Variants in DEUP1 observed in about 807,000 individuals in gnomAD.
DEUP1 encodes coiled-coil domain containing 67.
DEUP1 carries 82 observed loss-of-function variants against 87.4 expected under a neutral mutation model. That is an observed-to-expected ratio of 0.94 (90% CI 0.78 to 1.13). The LOEUF (loss-of-function observed/expected upper bound fraction) is 1.13. Ranked by LOEUF, DEUP1 falls within the 50% of genes most tolerant of loss-of-function variation. The pLI is 0.00. For synonymous variants in DEUP1, 214 were observed against 222.7 expected, an observed-to-expected ratio of 0.96 and a Z score of 0.35; for missense variants, 663 against 681.5, an observed-to-expected ratio of 0.97 and a Z score of 0.30.
rs532968361 is a variant in DEUP1 at position 93,384,307 on chromosome 11, G to C, written c.790-1091G>C. On this transcript the variant is annotated intron_variant, in intron 7 of 13. Coordinates refer to ENST00000298050, the MANE Select transcript of DEUP1 (RefSeq NM_181645.4). ...ACATGATGTTACTTTTTACTTCACA[G>C]AGAAAATAGAAGCCAAGAGATAGCC... 1.3e-3 allele frequency among the ~76,000 whole-genome samples: 198 copies of C among 152,270 alleles called. 1 individual carries two copies. Among genetic ancestry groups the C allele is most frequent in the African/African-American group, 4.6e-3 (190 of 41,538 alleles).
At chr11:93,351,392 A>G (rs892416483) in intron 2 of DEUP1, among the ~76,000 whole-genome samples, 102 of 152,218 alleles carry the variant, frequency 6.7e-4, no homozygotes, top group African/African-American at 2.3e-3. Flanking sequence ...TTGAGCGTCT[A>G]CTATGTGCTG....
intron 4 of DEUP1, among the ~76,000 whole-genome samples, chr11:93,363,196 G>T (rs1945257843): frequency 6.6e-6 from 1 of 151,820 alleles, no homozygotes; most frequent in African/African-American, 2.4e-5. Context: ...ACAAATTAGT[G>T]GTTTTCAGGG....
chr11:93,417,929 GA>G (rs1275135702), intron 13 of DEUP1, among the ~76,000 whole-genome samples: 2 of 151,312 alleles, frequency 1.3e-5, no homozygotes, highest in Non-Finnish European at 3.0e-5. Context: ...AAGCAATGGG[GA>G]AAGGATTCCC....
intron 7 of DEUP1, among the ~76,000 whole-genome samples, chr11:93,377,953 G>T (rs1269156220): frequency 6.6e-6 from 1 of 151,992 alleles, no homozygotes; most frequent in Non-Finnish European, 1.5e-5. Context: ...CAGCTTGTAG[G>T]ATTTCTGCTG....
At chr11:93,434,344 C>T (rs894333247) in intron 13 of DEUP1, among the ~76,000 whole-genome samples, 2 of 152,168 alleles carry the variant, frequency 1.3e-5, no homozygotes, top group African/African-American at 4.8e-5. Flanking sequence ...GGTGGCTTTT[C>T]TTTTGGGGTG....
chr11:93,369,470 T>C (rs1945595630), intron 5 of DEUP1, among the ~76,000 whole-genome samples: 1 of 151,980 alleles, frequency 6.6e-6, no homozygotes, highest in Admixed American at 6.6e-5. Context: ...AAAAAAGTTG[T>C]TTGAAATTCC....
At chr11:93,414,707 A>G (rs901380680) in intron 12 of DEUP1, among the ~76,000 whole-genome samples, 17 of 152,180 alleles carry the variant, frequency 1.1e-4, no homozygotes, top group East Asian at 1.9e-4. Context: ...AATAAATGAC[A>G]AAGACATAGA....
chr11:93,348,315 T>C (rs1944460476), intron 2 of DEUP1, among the ~76,000 whole-genome samples: 1 of 152,186 alleles, frequency 6.6e-6, no homozygotes, highest in Non-Finnish European at 1.5e-5. Flanking sequence ...TTTTGAATTG[T>C]TTTTTATGTC....
chr11:93,385,806 C>T lies in DEUP1; in HGVS notation c.935+263C>T, dbSNP rs1042804678. Among the ~76,000 whole-genome samples, 11 of 152,108 alleles carry T rather than the reference C, an allele frequency of 7.2e-5. No individual in the cohort carries two copies. In the East Asian group the frequency reaches 7.7e-4, roughly 11 times the overall value. ...GAGTCAGACCTGGTGGCTCCTAGCACTTTGGAAGGCCGAGGTGGGAGGACA... is the reference window on the plus strand; with the variant it reads ...GAGTCAGACCTGGTGGCTCCTAGCATTTTGGAAGGCCGAGGTGGGAGGACA... On this transcript the variant is annotated intron_variant, in intron 8 of 13. Coordinates refer to ENST00000298050, the MANE Select transcript of DEUP1 (RefSeq NM_181645.4).
At chr11:93,433,434 A>G (rs1183186503) in intron 13 of DEUP1, among the ~76,000 whole-genome samples, 1 of 152,192 alleles carries the variant, frequency 6.6e-6, no homozygotes, top group Non-Finnish European at 1.5e-5. Context: ...TGGGAGGATC[A>G]CTTGAGCCCA....
At chr11:93,353,772 G>A (rs1048346419) in intron 2 of DEUP1, among the ~76,000 whole-genome samples, 1 of 152,184 alleles carries the variant, frequency 6.6e-6, no homozygotes, top group African/African-American at 2.4e-5. Context: ...TTTAGCCATG[G>A]CTGGAGCAGT....
At chr11:93,430,478 C>T (rs1304652598) in intron 13 of DEUP1, among the ~76,000 whole-genome samples, 1 of 151,972 alleles carries the variant, frequency 6.6e-6, no homozygotes, top group African/African-American at 2.4e-5. Flanking sequence ...GTGAAAGAAG[C>T]CAAACACAAA....
At chr11:93,383,536 A>G in intron 7 of DEUP1, 1 of 631,790 alleles carries the variant, frequency 1.6e-6, no homozygotes, top group East Asian at 2.8e-5. Flanking sequence ...CTCTGGAATA[A>G]AGTAGTGGTG....
intron 2 of DEUP1, among the ~76,000 whole-genome samples, chr11:93,350,133 C>T (rs184972648): frequency 1.3e-4 from 20 of 152,262 alleles, no homozygotes; most frequent in African/African-American, 4.8e-4. Flanking sequence ...ACAATTGCTG[C>T]AGATTTTGTG....
At chr11:93,434,922 G>A (rs1406059620) in intron 13 of DEUP1, among the ~76,000 whole-genome samples, 1 of 152,126 alleles carries the variant, frequency 6.6e-6, no homozygotes, top group Non-Finnish European at 1.5e-5. Context: ...CCTCAGCTTT[G>A]CCCTCAAGAG....
chr11:93,390,775 T>C (rs1946741155), intron 9 of DEUP1, among the ~76,000 whole-genome samples: 1 of 152,100 alleles, frequency 6.6e-6, no homozygotes, highest in Non-Finnish European at 1.5e-5. Context: ...AGGTAACAAA[T>C]GAATTTTATA....
At chr11:93,345,375 GC>G (rs1171774330) in intron 2 of DEUP1, among the ~76,000 whole-genome samples, 1 of 152,198 alleles carries the variant, frequency 6.6e-6, no homozygotes. Context: ...TATATACCCA[GC>G]AATGGGATTG....
At chr11:93,427,012 G>GAAAAAAAAAAAAAAAAAAAAAAAAAAAA (rs1215051153) in intron 13 of DEUP1, among the ~76,000 whole-genome samples, 1 of 11,844 alleles carries the variant, frequency 8.4e-5, no homozygotes, top group African/African-American at 4.1e-4. Context: ...AAAAAAAAAA[G>GAAAAAAAAAAAAAAAAAAAAAAAAAAAA]AAAAAAAAAA....
intron 2 of DEUP1, among the ~76,000 whole-genome samples, chr11:93,351,440 C>A (rs1365259395): frequency 6.6e-6 from 1 of 152,088 alleles, no homozygotes; most frequent in Non-Finnish European, 1.5e-5. Flanking sequence ...GGTAATGAAC[C>A]AGACTGATAT....
Sources: allele counts gnomAD v4.1 joint callset (sites outside exome capture counted in the v4.1 genomes callset), GRCh38; gene constraint gnomAD v4.1.1; transcripts MANE v1.5; gene names NCBI Gene and HGNC (gene_info 2026-07-23, HGNC 2026-07-21).